The following KCNIP1 variants were observed in gnomAD, a reference collection of about 807,000 sequenced individuals.
KCNIP1 encodes A-type potassium channel modulatory protein KCNIP1.
Under a neutral mutation model 33.0 loss-of-function variants are expected in KCNIP1, and 18 were observed. The ratio of observed to expected loss-of-function variants is 0.55; its 90% CI spans 0.38 to 0.81. The LOEUF (loss-of-function observed/expected upper bound fraction) is 0.81. Among genes scored for constraint, KCNIP1 ranks in the 30% least tolerant of loss-of-function variants. The pLI, the probability that KCNIP1 is intolerant of heterozygous loss-of-function variation, is 0.00. For synonymous variants in KCNIP1, 93 were observed against 98.3 expected (o/e 0.95, Z 0.32); for missense variants, 238 against 271.6 (o/e 0.88, Z 0.87).
intron 1 of KCNIP1, among the ~76,000 whole-genome samples, chr5:170,663,367 T>G (rs1581466156): frequency 6.6e-6 from 1 of 152,120 alleles, no homozygotes; most frequent in Admixed American, 6.5e-5. Flanking sequence ...CTGAAGCTGG[T>G]GCATGCCATG....
intron 1 of KCNIP1, among the ~76,000 whole-genome samples, chr5:170,632,293 G>A (rs933408755): frequency 6.6e-6 from 1 of 152,234 alleles, no homozygotes; most frequent in Non-Finnish European, 1.5e-5. Flanking sequence ...CCAACGCCAC[G>A]TGGATTGACA....
chr5:170,541,939 G>T (rs766591976), intron 1 of KCNIP1, among the ~76,000 whole-genome samples: 1 of 152,072 alleles, frequency 6.6e-6, no homozygotes, highest in Non-Finnish European at 1.5e-5. Flanking sequence ...AGAAGCTTGA[G>T]ATCTACTACT....
At chr5:170,719,642 C>T (rs542838885) in intron 2 of KCNIP1, among the ~76,000 whole-genome samples, 4 of 152,282 alleles carry the variant, frequency 2.6e-5, no homozygotes, top group African/African-American at 4.8e-5. Context: ...GGGTCAGTTC[C>T]AAACTGACCA....
At chr5:170,454,504 G>A (rs1306877328) in intron 1 of KCNIP1, among the ~76,000 whole-genome samples, 1 of 152,164 alleles carries the variant, frequency 6.6e-6, no homozygotes, top group Admixed American at 6.5e-5. Context: ...TTATAAGTCA[G>A]GAGATACCTG....
chr5:170,480,385 A>ACT (rs1756951074), intron 1 of KCNIP1, among the ~76,000 whole-genome samples: 2 of 134,312 alleles, frequency 1.5e-5, no homozygotes, highest in Non-Finnish European at 3.2e-5. Context: ...AATGTGGCCT[A>ACT]AGAATATAAA....
chr5:170,721,240 C>T (rs559634109), intron 3 of KCNIP1, among the ~76,000 whole-genome samples: 2 of 152,278 alleles, frequency 1.3e-5, no homozygotes, highest in African/African-American at 4.8e-5. Flanking sequence ...GTGGGGGAGG[C>T]AGTTTTGTCC....
At chr5:170,472,752 T>A (rs1304961837) in intron 1 of KCNIP1, among the ~76,000 whole-genome samples, 1 of 150,394 alleles carries the variant, frequency 6.6e-6, no homozygotes, top group Non-Finnish European at 1.5e-5. Flanking sequence ...CTACAAATGC[T>A]GATAATTCAT....
At position 170,674,156 on chromosome 5, in the gene KCNIP1, GAA is replaced by G. The variant is rs1172197426; in HGVS notation, c.62-44601_62-44600del. 1.1e-4 allele frequency among the ~76,000 whole-genome samples: 8 copies of G among 72,796 alleles called. 1 individual carries two copies. The highest frequency in any genetic ancestry group is 4.9e-4 in the African/African-American group (7 of 14,282). The allele number at this position is 72,796 out of a possible 152,430, so 47.8% of individuals were successfully genotyped here. The stretch of plus-strand genomic sequence containing the variant: ...GGAAGGAAGGAAGGAAGGAAGGAAG[GAA>G]GGAAGGAAGGAAGGAAGGAAGGAAG... On this transcript the variant is annotated intron_variant, in intron 1 of 7. Coordinates refer to ENST00000328939, the MANE Select transcript of KCNIP1 (RefSeq NM_014592.4).
intron 1 of KCNIP1, among the ~76,000 whole-genome samples, chr5:170,364,906 A>T (rs1009365588): frequency 2.0e-5 from 3 of 152,162 alleles, no homozygotes; most frequent in African/African-American, 7.2e-5. Flanking sequence ...GTATGGTGAG[A>T]ACTACTCTCT....
chr5:170,606,638 G>A (rs35743721), intron 1 of KCNIP1, among the ~76,000 whole-genome samples: 4,382 of 152,196 alleles, frequency 0.029, 102 homozygotes, highest in Middle Eastern at 0.058. Context: ...TTTGGGACCC[G>A]GGAGGGGCAG....
intron 1 of KCNIP1, among the ~76,000 whole-genome samples, chr5:170,608,713 A>G (rs533624498): frequency 7.9e-5 from 12 of 152,118 alleles, no homozygotes; most frequent in Admixed American, 7.8e-4. Flanking sequence ...CAGAGGTTGC[A>G]GTGAGCTGAG....
At chr5:170,380,063 A>G (rs183847183) in intron 1 of KCNIP1, among the ~76,000 whole-genome samples, 13 of 152,330 alleles carry the variant, frequency 8.5e-5, no homozygotes, top group Non-Finnish European at 1.8e-4. Flanking sequence ...TGACACTGGG[A>G]TCCAAAGGAA....
intron 1 of KCNIP1, among the ~76,000 whole-genome samples, chr5:170,456,922 G>A (rs1756396058): frequency 6.6e-6 from 1 of 151,942 alleles, no homozygotes; most frequent in Admixed American, 6.6e-5. Flanking sequence ...GTTTCCCTAT[G>A]TTGCCCAGGC....
chr5:170,718,841 A>G lies in KCNIP1; in HGVS notation c.145A>G (p.Thr49Ala). The change falls in exon 2 of 8, where the codon ACC (threonine) becomes GCC (alanine). Residue 49 changes from threonine to alanine, a missense_variant. By Grantham distance (58) the Thr-to-Ala change is moderately conservative. Coordinates refer to ENST00000328939, the MANE Select transcript of KCNIP1 (RefSeq NM_014592.4). ...GCAGCTCGAGGCCCAGACCAACTTCACCAAGAGGGAGCTGCAGGTCCTTTA... is the reference window on the plus strand; with the variant it reads ...GCAGCTCGAGGCCCAGACCAACTTCGCCAAGAGGGAGCTGCAGGTCCTTTA... Reference protein sequence around the residue: ...LEQLEAQTNFTKRELQVLYRG... With the variant: ...LEQLEAQTNFAKRELQVLYRG... The G allele has an allele frequency of 6.2e-7, 1 of 1,610,376 alleles. No individual in the cohort carries two copies. The highest frequency in any genetic ancestry group is 8.5e-7 in the Non-Finnish European group (1 of 1,178,814).
rs574980080 is a variant in KCNIP1 at position 170,520,166 on chromosome 5, C to T, written c.61+15533C>T. Among the ~76,000 whole-genome samples the T allele has an allele frequency of 2.0e-5, 3 of 152,302 alleles. No individual in the cohort carries two copies. The South Asian group carries it at 6.2e-4, about 32-fold the overall frequency. ...TATACATCAGACACTGTGCTGGGCACTGCCCTTAAATTATCTCACTTAATT... is the reference window on the plus strand; with the variant it reads ...TATACATCAGACACTGTGCTGGGCATTGCCCTTAAATTATCTCACTTAATT... On this transcript the variant is annotated intron_variant, in intron 1 of 7. Coordinates refer to ENST00000328939, the MANE Select transcript of KCNIP1 (RefSeq NM_014592.4).
At chr5:170,566,563 A>G (rs1352706437) in intron 1 of KCNIP1, among the ~76,000 whole-genome samples, 2 of 152,208 alleles carry the variant, frequency 1.3e-5, no homozygotes, top group African/African-American at 2.4e-5. Flanking sequence ...CCCACACACC[A>G]TGCCACCACA....
At chr5:170,479,890 A>G (rs554733694) in intron 1 of KCNIP1, among the ~76,000 whole-genome samples, 1 of 152,366 alleles carries the variant, frequency 6.6e-6, no homozygotes, top group Admixed American at 6.5e-5. Flanking sequence ...TGCACAATTA[A>G]TAAATCAAAA....
intron 1 of KCNIP1, among the ~76,000 whole-genome samples, chr5:170,616,424 G>A (rs1050188615): frequency 3.3e-5 from 5 of 152,156 alleles, no homozygotes; most frequent in South Asian, 4.1e-4. Context: ...TGACTGTCTC[G>A]ACAGATAGGA....
chr5:170,605,501 A>G (rs1329381678), intron 1 of KCNIP1, among the ~76,000 whole-genome samples: 1 of 152,210 alleles, frequency 6.6e-6, no homozygotes, highest in Non-Finnish European at 1.5e-5. Context: ...TCACAACGGC[A>G]TGCAGCCATC....
Sources: allele counts gnomAD v4.1 joint callset (sites outside exome capture counted in the v4.1 genomes callset), GRCh38; gene constraint gnomAD v4.1.1; transcripts MANE v1.5; gene names NCBI Gene and HGNC (gene_info 2026-07-23, HGNC 2026-07-21).